The following TBPL1 variants were observed in gnomAD, a reference collection of about 807,000 sequenced individuals.
The protein encoded by TBPL1 is TATA box-binding protein-like 1.
In TBPL1, 4 loss-of-function variants were observed where a neutral mutation model predicts 22.1. That is an observed-to-expected ratio of 0.18 (90% CI 0.09 to 0.41). The LOEUF (loss-of-function observed/expected upper bound fraction) is 0.41, where lower values mean the gene tolerates loss of function less well. Ranked by LOEUF, TBPL1 falls within the 10% of genes least tolerant of loss-of-function variation. TBPL1 has a pLI of 1.00. For missense variants in TBPL1, 115 were observed against 222.3 expected (o/e 0.52, Z 3.07); for synonymous variants, 64 against 71.0 (o/e 0.90, Z 0.50).
In TBPL1 at chr6:133,989,204, T is replaced by G. The variant is rs562698952; in HGVS notation, c.*2164T>G. Reference sequence around the variant, plus strand: ...AAGTACTGTAAATTTTTTTTATAAATAAAAACTGTGAATATATATGTACAA... The same window carrying G: ...AAGTACTGTAAATTTTTTTTATAAAGAAAAACTGTGAATATATATGTACAA... On this transcript the variant is annotated 3_prime_UTR_variant, in exon 7 of 7. Transcript: ENST00000237264. 461 of 152,290 alleles carry G rather than the reference T, an allele frequency of 3.0e-3. 3 individuals are homozygous for G. The highest frequency in any genetic ancestry group is 0.011 in the African/African-American group (441 of 41,566). 9.4% of individuals were successfully genotyped at this position (152,290 alleles called of 1,614,324 possible). A position where few individuals can be genotyped will look rare whatever the true frequency, so the allele number is the denominator to read the frequency against.
At chr6:133,957,781 C>T (rs1243532443) in intron 1 of TBPL1, among the ~76,000 whole-genome samples, 1 of 152,224 alleles carries the variant, frequency 6.6e-6, no homozygotes, top group African/African-American at 2.4e-5. Flanking sequence ...GGAGTTAATA[C>T]TACTACTACG....
At chr6:133,958,389 A>G (rs1484987196) in intron 1 of TBPL1, among the ~76,000 whole-genome samples, 1 of 152,230 alleles carries the variant, frequency 6.6e-6, no homozygotes, top group Non-Finnish European at 1.5e-5. Context: ...ATGTTCTAAT[A>G]GTAGCTTTTT....
chr6:133,966,064 G>C (rs1776112487), intron 1 of TBPL1, among the ~76,000 whole-genome samples: 1 of 152,138 alleles, frequency 6.6e-6, no homozygotes, highest in African/African-American at 2.4e-5. Flanking sequence ...TTCAACTTCA[G>C]AGACAGAGAG....
chr6:133,958,137 G>A (rs551785815), intron 1 of TBPL1, among the ~76,000 whole-genome samples: 8 of 152,322 alleles, frequency 5.3e-5, no homozygotes, highest in South Asian at 4.1e-4. Flanking sequence ...AAGGAAGGCC[G>A]ACAAAGCCTG....
At chr6:133,978,179 A>T (rs1432998889) in intron 1 of TBPL1, among the ~76,000 whole-genome samples, 1 of 152,202 alleles carries the variant, frequency 6.6e-6, no homozygotes, top group Non-Finnish European at 1.5e-5. Flanking sequence ...TGCTGTCCAG[A>T]TGGCTCAGTA....
At chr6:133,986,375 T>A (rs2114396274) in intron 6 of TBPL1, among the ~76,000 whole-genome samples, 1 of 152,354 alleles carries the variant, frequency 6.6e-6, no homozygotes, top group African/African-American at 2.4e-5. Context: ...AGAATTAGCA[T>A]AATGCATGGT....
chr6:133,976,560 G>A (rs1019410364), intron 1 of TBPL1, among the ~76,000 whole-genome samples: 1 of 152,140 alleles, frequency 6.6e-6, no homozygotes, highest in Non-Finnish European at 1.5e-5. Context: ...AAAGTGGTGA[G>A]TCTGTGTTTT....
chr6:133,973,304 G>A (rs1479482898), intron 1 of TBPL1, among the ~76,000 whole-genome samples: 1 of 152,186 alleles, frequency 6.6e-6, no homozygotes, highest in African/African-American at 2.4e-5. Flanking sequence ...CCATTTCTTA[G>A]ATCATAGATG....
intron 1 of TBPL1, among the ~76,000 whole-genome samples, chr6:133,974,891 A>C (rs1776287344): frequency 6.6e-6 from 1 of 152,230 alleles, no homozygotes; most frequent in Admixed American, 6.5e-5. Flanking sequence ...CTAAGAAAAA[A>C]TGAATTTTAA....
At position 133,966,559 on chromosome 6, in the gene TBPL1, G is replaced by C. The variant is rs1038859981; in HGVS notation, c.-45+13134G>C. On this transcript the variant is annotated intron_variant, in intron 1 of 6. Transcript: ENST00000237264. Reference sequence around the variant, plus strand: ...GGACTTTTAGCTGATTAACTGCTCCGTATCTCCTCTTGGATGTCTCACAAG... The same window carrying C: ...GGACTTTTAGCTGATTAACTGCTCCCTATCTCCTCTTGGATGTCTCACAAG... Among the ~76,000 whole-genome samples the C allele has an allele frequency of 2.0e-5, 3 of 152,090 alleles. No homozygotes were observed. The South Asian group carries it at 6.2e-4, about 32-fold the overall frequency.
At chr6:133,980,692 T>G (rs1452412018) in intron 2 of TBPL1, among the ~76,000 whole-genome samples, 1 of 151,630 alleles carries the variant, frequency 6.6e-6, no homozygotes, top group Non-Finnish European at 1.5e-5. Flanking sequence ...GAAAATAATA[T>G]GATTTATATC....
chr6:133,965,036 A>G (rs1483783585), intron 1 of TBPL1, among the ~76,000 whole-genome samples: 3 of 152,194 alleles, frequency 2.0e-5, no homozygotes, highest in African/African-American at 7.2e-5. Flanking sequence ...GAGAGGCTTG[A>G]TCTTGATGCA....
intron 1 of TBPL1, among the ~76,000 whole-genome samples, chr6:133,966,845 C>T (rs1776128450): frequency 2.0e-5 from 3 of 152,172 alleles, no homozygotes; most frequent in Non-Finnish European, 4.4e-5. Flanking sequence ...GTGGTCCGTC[C>T]TGTCATCTTG....
At position 133,954,410 on chromosome 6, in the gene TBPL1, A is replaced by T. The variant is rs910894279; in HGVS notation, c.-45+985A>T. 3.3e-5 allele frequency among the ~76,000 whole-genome samples: 5 copies of T among 152,268 alleles called. No individual in the cohort carries two copies. The South Asian group carries it at 6.2e-4, about 19-fold the overall frequency. On this transcript the variant is annotated intron_variant, in intron 1 of 6. Transcript: ENST00000237264. ...TTCAGCCATCCTGGCATAATTTCGC[A>T]GTCTCTTTGAGAAAATGGCAGTTCC...
chr6:133,982,666 G>GT lies in TBPL1; in HGVS notation c.218+22dup. On this transcript the variant is annotated intron_variant, in intron 3 of 6. Transcript: ENST00000237264. ...GAGCAACAAGGTAAATGCTACTTGG[G>GT]TTTTTTGTTTTTATTTTTTACTTTT... 3.1e-6 allele frequency: 5 copies of GT among 1,603,984 alleles called. No homozygotes were observed. Among genetic ancestry groups the GT allele is most frequent in the Non-Finnish European group, 4.3e-6 (5 of 1,176,456 alleles).
Position 133,979,786 on chromosome 6 carries a change from A to G in TBPL1, c.-44-296A>G, listed in dbSNP as rs146134827. On this transcript the variant is annotated intron_variant, in intron 1 of 6. Transcript: ENST00000237264. The stretch of plus-strand genomic sequence containing the variant: ...CTCAGCCTCCCTAGTAGCTGGGATT[A>G]CAGACATGCACCATCATGCCCGGCT... 3.2e-3 allele frequency among the ~76,000 whole-genome samples: 483 copies of G among 152,170 alleles called. 1 individual carries two copies. Among genetic ancestry groups the G allele is most frequent in the African/African-American group, 0.01 (419 of 41,510 alleles).
At chr6:133,962,580 T>C (rs902863914) in intron 1 of TBPL1, among the ~76,000 whole-genome samples, 1 of 152,196 alleles carries the variant, frequency 6.6e-6, no homozygotes, top group African/African-American at 2.4e-5. Flanking sequence ...TTTGTTTGTA[T>C]GTGTCGATTT....
chr6:133,985,295 AAAATATAT>A (rs1182634526), intron 6 of TBPL1, among the ~76,000 whole-genome samples: 12 of 66,418 alleles, frequency 1.8e-4, no homozygotes, highest in East Asian at 3.1e-4. Flanking sequence ...AAAAAAAAAA[AAAATATAT>A]ATATATATAT....
At chr6:133,965,839 A>T (rs1377208157) in intron 1 of TBPL1, among the ~76,000 whole-genome samples, 1 of 152,220 alleles carries the variant, frequency 6.6e-6, no homozygotes, top group Non-Finnish European at 1.5e-5. Flanking sequence ...AATAATAGTA[A>T]CAATAAGAAC....
Sources: allele counts gnomAD v4.1 joint callset (sites outside exome capture counted in the v4.1 genomes callset), GRCh38; gene constraint gnomAD v4.1.1; transcripts MANE v1.5; gene names NCBI Gene and HGNC (gene_info 2026-07-23, HGNC 2026-07-21).